The following ACHE variants were observed in gnomAD, a reference collection of about 807,000 sequenced individuals.
ACHE encodes the protein acetylcholinesterase (Yt blood group), also known as acetylcholinesterase.
ACHE carries 19 observed loss-of-function variants against 53.9 expected under a neutral mutation model. The observed-to-expected ratio is 0.35, with a 90% CI of 0.25 to 0.52. The LOEUF is 0.52. Among genes scored for constraint, ACHE ranks in the 20% least tolerant of loss-of-function variants. The pLI is 0.95. For missense variants in ACHE, 605 were observed against 849.4 expected, an observed-to-expected ratio of 0.71 and a Z score of 3.58; for synonymous variants, 392 against 378.1, an observed-to-expected ratio of 1.04 and a Z score of -0.43.
rs1790575093 is a variant in ACHE at position 100,890,177 on chromosome 7, G to C, written c.*37C>G. 2.5e-6 allele frequency: 4 copies of C among 1,611,554 alleles called. No individual in the cohort carries two copies. The East Asian group carries it at 8.9e-5, about 36-fold the overall frequency. Reference sequence around the variant, plus strand: ...AATAAATAGTATATACAGCTAGGGGGCCGGGCGGAGCGGAGGACATGGGGG... The same window carrying C: ...AATAAATAGTATATACAGCTAGGGGCCCGGGCGGAGCGGAGGACATGGGGG... On this transcript the variant is annotated 3_prime_UTR_variant, in exon 5 of 5. Transcript: ENST00000241069.
In ACHE at chr7:100,890,059, A is replaced by G. The variant is rs1790567780; in HGVS notation, c.*155T>C. ...ACCGCGGGGGAGGGAGCTCAGCCTG[A>G]GACATGCAGAGGACCGGGAGCCCCG... On this transcript the variant is annotated 3_prime_UTR_variant, in exon 5 of 5. Transcript: ENST00000241069. 2.3e-6 allele frequency: 2 copies of G among 871,750 alleles called. No homozygotes were observed. The highest frequency in any genetic ancestry group is 3.4e-6 in the Non-Finnish European group (2 of 586,756). The allele number at this position is 871,750 out of a possible 1,614,324, so 54.0% of individuals were successfully genotyped here. A position where few individuals can be genotyped will look rare whatever the true frequency, so the allele number is the denominator to read the frequency against.
intron 1 of ACHE, among the ~76,000 whole-genome samples, chr7:100,895,046 C>T (rs1764149796): frequency 6.6e-6 from 1 of 151,970 alleles, no homozygotes; most frequent in African/African-American, 2.4e-5. Context: ...CCTGGGGGCT[C>T]GAGGGCCTTG....
chr7:100,892,727 C>T lies in ACHE; in HGVS notation c.1160G>A (p.Arg387Gln), dbSNP rs772297940. ...FSKDNESLIS[R>Q]AEFLAGVRVG... ...CCGCACCCCGGCCAGGAACTCGGCC[C>T]GGCTGATGAGAGACTCGTTGTCTTT... is the stretch of plus-strand genomic sequence containing the variant. The change falls in exon 3 of 5, where the codon CGG becomes CAG. Residue 387 changes from arginine to glutamine, a missense_variant. By Grantham distance (43) the Arg-to-Gln change is conservative. Transcript: ENST00000241069. The surrounding 1 kb of genome is among the most constrained non-coding windows in gnomAD (Gnocchi z 5.2). The T allele has an allele frequency of 5.6e-6, 9 of 1,613,392 alleles. No individual in the cohort carries two copies. The highest frequency in any genetic ancestry group is 1.7e-5 in the Admixed American group (1 of 60,010).
At chr7:100,896,588 G>T, upstream of ACHE, 1 of 266,580 alleles carries the variant, frequency 3.8e-6, no homozygotes, top group Non-Finnish European at 8.0e-6. Context: ...CACGCGCAAG[G>T]CTGCTGGGCG....
Position 100,894,064 on chromosome 7 carries a change from CG to C in ACHE, c.168del (p.Gly58AlafsTer34). ...GRLRGIRLKTPGGPVSAFLGI... is the reference protein window; with the variant it reads ...GRLRGIRLKTXGGPVSAFLGI... The stretch of plus-strand genomic sequence containing the variant: ...CCCAGGAAAGCAGAGACAGGGCCCC[CG>C]GGGGTCTTCAGGCGAATGCCCCGCA... On this transcript the variant is annotated frameshift_variant, in exon 2 of 5. Transcript: ENST00000241069. LOFTEE classifies it high-confidence loss of function. The C allele has an allele frequency of 6.4e-7, 1 of 1,566,284 alleles. No individual in the cohort carries two copies. The highest frequency in any genetic ancestry group is 8.6e-7 in the Non-Finnish European group (1 of 1,156,952).
chr7:100,896,892 C>G (rs570145910), upstream of ACHE: 1 of 154,330 alleles, frequency 6.5e-6, no homozygotes, highest in East Asian at 1.9e-4. Flanking sequence ...GAGGTGCATG[C>G]GGCAATACCG....
At chr7:100,891,490 G>T in intron 3 of ACHE, 152 bp from the exon 4 acceptor site, 2 of 699,080 alleles carry the variant, frequency 2.9e-6, no homozygotes, top group Non-Finnish European at 4.3e-6. Flanking sequence ...CGGTCATTGG[G>T]GTCTTCCCTT....
At position 100,891,176 on chromosome 7, in the gene ACHE, G is replaced by T. The variant is rs1355326545; in HGVS notation, c.1716C>A (p.Ser572Arg). ...FWNRFLPKLL[S>R]ATDTLDEAER... ...CCGCTGGCCCCTGCATACCGGTGGC[G>T]CTGAGCAATTTGGGGAGGAAGCGGT... is the stretch of plus-strand genomic sequence containing the variant. The change falls in exon 4 of 5, where the codon AGC (serine) becomes AGA (arginine). Residue 572 changes from serine to arginine, a missense_variant. Physicochemically the swap from Ser to Arg is moderately radical, Grantham distance 110 (BLOSUM62 -1). Coordinates refer to ENST00000241069, the MANE Select transcript of ACHE (RefSeq NM_000665.5). 3 of 1,605,128 alleles carry T rather than the reference G, an allele frequency of 1.9e-6. No homozygotes were observed. Among genetic ancestry groups the T allele is most frequent in the Non-Finnish European group, 2.5e-6 (3 of 1,176,680 alleles).
intron 4 of ACHE, chr7:100,890,899 C>T: frequency 6.8e-7 from 1 of 1,467,032 alleles, no homozygotes; most frequent in Admixed American, 2.8e-5. Context: ...GGCCCTTCCC[C>T]ACGGTCCGAC....
At position 100,894,113 on chromosome 7, in the gene ACHE, C is replaced by A; in HGVS notation, c.120G>T (p.Leu40=). 6.6e-7 allele frequency: 1 copy of A among 1,506,700 alleles called. No individual in the cohort carries two copies. Among genetic ancestry groups the A allele is most frequent in the Non-Finnish European group, 8.8e-7 (1 of 1,130,354 alleles). 93.3% of individuals were successfully genotyped at this position (1,506,700 alleles called of 1,614,324 possible). ...GCAGCCGGCCCCCACGCACCGTCACCAGCAGCTCTGCATCCTCCCGGCCCT... is the reference window on the plus strand; with the variant it reads ...GCAGCCGGCCCCCACGCACCGTCACAAGCAGCTCTGCATCCTCCCGGCCCT... ...GAEGREDAEL[L]VTVRGGRLRG... Residue 40 remains leucine (L), a synonymous_variant, in exon 2 of 5, where the codon CTG becomes CTT. Transcript: ENST00000241069.
chr7:100,894,667 A>AG (rs1325137260), intron 1 of ACHE, among the ~76,000 whole-genome samples: 2 of 174 alleles, frequency 0.011, no homozygotes, highest in African/African-American at 0.053. Flanking sequence ...CGGCGGCCTG[A>AG]AGCGCAGCCC....
chr7:100,891,211 C>T lies in ACHE; in HGVS notation c.1681G>A (p.Ala561Thr). 2 of 1,609,984 alleles carry T rather than the reference C, an allele frequency of 1.2e-6. No homozygotes were observed. Among genetic ancestry groups the T allele is most frequent in the Non-Finnish European group, 1.7e-6 (2 of 1,179,204 alleles). ...VRRGLRAQAC[A>T]FWNRFLPKLL... is the part of the protein sequence containing the mutation. ...TTGGGGAGGAAGCGGTTCCAGAAGG[C>T]GCAGGCCTGGGCGCGCAGCCCCCGC... Residue 561 changes from alanine (A) to threonine (T), a missense_variant, in exon 4 of 5, where the codon GCC (alanine) becomes ACC (threonine). Ala to Thr is a moderately conservative substitution (Grantham distance 58). Around this residue, in one of 4 missense-constraint regions of ACHE, gnomAD observed 91 missense variants for 83.2 expected, o/e 1.09. Transcript: ENST00000241069.
chr7:100,894,155 A>G lies in ACHE; in HGVS notation c.78T>C (p.Gly26=), dbSNP rs753583909. ...CCCGGCCCTCAGCCCCCACTCCTCC[A>G]CCCAGGAGCCAGAGGAGGAGGAGAA... ...PLLLLLLWLL[G]GGVGAEGRED... The change falls in exon 2 of 5, where the codon GGT becomes GGC. Residue 26 remains glycine (G), a synonymous_variant. Transcript: ENST00000241069. The G allele has an allele frequency of 3.4e-6, 5 of 1,484,586 alleles. No homozygotes were observed. In the East Asian group the frequency reaches 7.0e-5, roughly 21 times the overall value. 92.0% of individuals were successfully genotyped at this position (1,484,586 alleles called of 1,614,324 possible). A position where few individuals can be genotyped will look rare whatever the true frequency, so the allele number is the denominator to read the frequency against.
chr7:100,895,318 G>A (rs1671315000), intron 1 of ACHE, among the ~76,000 whole-genome samples: 2 of 152,134 alleles, frequency 1.3e-5, no homozygotes, highest in South Asian at 4.1e-4. Flanking sequence ...TATAACTCGG[G>A]GCTTCCGCCG....
Position 100,892,831 on chromosome 7 carries a change from G to T in ACHE, c.1069-13C>A. On this transcript the variant is annotated splice_polypyrimidine_tract_variant and intron_variant, in intron 2 of 4. Transcript: ENST00000241069. This position sits in a 1 kb window ranked among gnomAD's most constrained non-coding sequence, Gnocchi z 5.2. Reference sequence around the variant, plus strand: ...CACCCACCAGCACCTGGGGGTGAGGGAGAGGGGGGTGGGATGGAGCGACAG... The same window carrying T: ...CACCCACCAGCACCTGGGGGTGAGGTAGAGGGGGGTGGGATGGAGCGACAG... The T allele has an allele frequency of 1.3e-6, 2 of 1,561,552 alleles. No homozygotes were observed.
At position 100,893,980 on chromosome 7, in the gene ACHE, G is replaced by A; in HGVS notation, c.253C>T (p.Gln85Ter). 6.2e-7 allele frequency: 1 copy of A among 1,612,214 alleles called. No homozygotes were observed. The highest frequency in any genetic ancestry group is 8.5e-7 in the Non-Finnish European group (1 of 1,179,112). Reference protein sequence around the residue: ...PRRFLPPEPKQPWSGVVDATT... With the variant: ...PRRFLPPEPK ...GCGTCTACCACCCCTGACCAAGGCT[G>A]CTTGGGCTCCGGTGGCAGAAAGCGA... Residue 85 changes from glutamine (Q) to a stop codon, truncating the protein, a stop_gained, in exon 2 of 5, where the codon CAG (glutamine) becomes TAG (stop). Transcript: ENST00000241069. LOFTEE classifies it high-confidence loss of function.
intron 4 of ACHE, 55 bp downstream of exon 4, chr7:100,891,114 C>A: frequency 6.4e-7 from 1 of 1,559,764 alleles, no homozygotes; most frequent in Non-Finnish European, 8.7e-7. Context: ...AGGGGTTACA[C>A]CTGGCGGGCT....
intron 4 of ACHE, 150 bp downstream of exon 4, chr7:100,891,018 CA>C: frequency 2.1e-6 from 3 of 1,455,148 alleles, no homozygotes; most frequent in Non-Finnish European, 2.7e-6. Context: ...GGAGGAGGGG[CA>C]GGGGGAGGCC....
chr7:100,891,450 C>T, intron 3 of ACHE, 112 bp from the exon 4 acceptor site: 1 of 1,088,938 alleles, frequency 9.2e-7, no homozygotes, highest in South Asian at 2.0e-5. Flanking sequence ...GAACCCGTCC[C>T]CTCCCTCCCA....
Sources: gnomAD v4.1 joint callset for allele counts (sites outside exome capture counted in the v4.1 genomes callset) on GRCh38, gnomAD v4.1.1 for gene constraint, gnomAD v4.1.1 regional missense constraint, Gnocchi (gnomAD v3.1) non-coding constraint, MANE v1.5 for transcripts, NCBI Gene and HGNC (gene_info 2026-07-23, HGNC 2026-07-21) for gene names.